ADGRG6: variants seen among roughly 807,000 people sequenced by gnomAD.
ADGRG6 encodes adhesion G protein-coupled receptor G6, also known as G-protein coupled receptor 126.
In ADGRG6, 84 loss-of-function variants were observed where a neutral mutation model predicts 142.4. That is an observed-to-expected ratio of 0.59 (90% confidence interval 0.49 to 0.71). The LOEUF (loss-of-function observed/expected upper bound fraction) is 0.71. Ranked by LOEUF, ADGRG6 falls within the 30% of genes least tolerant of loss-of-function variation. ADGRG6 has a pLI of 0.00. For missense variants in ADGRG6, 1,367 were observed against 1,466.6 expected (o/e 0.93, Z 1.11); for synonymous variants, 521 against 520.5 (o/e 1.00, Z -0.01).
At chr6:142,310,648 A>G (rs1268480901) in intron 2 of ADGRG6, among the ~76,000 whole-genome samples, 1 of 151,840 alleles carries the variant, frequency 6.6e-6, no homozygotes, top group African/African-American at 2.4e-5. Flanking sequence ...TTTTTTTCCA[A>G]GCCTCCAAGT....
At chr6:142,387,105 A>G (rs1178497166) in intron 6 of ADGRG6, among the ~76,000 whole-genome samples, 1 of 152,240 alleles carries the variant, frequency 6.6e-6, no homozygotes, top group East Asian at 1.9e-4. Context: ...CTTTAAAGCT[A>G]CTTTTCACAA....
chr6:142,392,806 C>G (rs1002198516), intron 7 of ADGRG6, 142 bp from the exon 8 acceptor site: 16 of 623,338 alleles, frequency 2.6e-5, no homozygotes, highest in Non-Finnish European at 4.7e-5. Context: ...TTACAATGAT[C>G]CATTAACTGT....
chr6:142,317,176 G>A (rs1431380425), intron 2 of ADGRG6, among the ~76,000 whole-genome samples: 1 of 152,058 alleles, frequency 6.6e-6, no homozygotes, highest in Non-Finnish European at 1.5e-5. Context: ...GTTTGGTTAG[G>A]ACTCTTATTA....
chr6:142,349,838 A>AT (rs890526051), intron 2 of ADGRG6, among the ~76,000 whole-genome samples: 9 of 152,010 alleles, frequency 5.9e-5, no homozygotes, highest in Non-Finnish European at 1.0e-4. Flanking sequence ...TAAAAAGCTC[A>AT]TTTTTTTTCA....
chr6:142,346,523 G>C (rs1240138445), intron 2 of ADGRG6, among the ~76,000 whole-genome samples: 1 of 151,112 alleles, frequency 6.6e-6, no homozygotes, highest in Non-Finnish European at 1.5e-5. Context: ...AAATTTTTCT[G>C]GGTATATACC....
chr6:142,357,715 G>GTT (rs947492970), intron 2 of ADGRG6, among the ~76,000 whole-genome samples: 3 of 152,190 alleles, frequency 2.0e-5, no homozygotes, highest in African/African-American at 7.2e-5. Context: ...GGGAAGGTAA[G>GTT]TTTGTAAACC....
intron 1 of ADGRG6, among the ~76,000 whole-genome samples, chr6:142,305,706 G>T (rs1244808665): frequency 6.6e-6 from 1 of 152,114 alleles, no homozygotes; most frequent in Non-Finnish European, 1.5e-5. Flanking sequence ...CAAGCTTTAT[G>T]TGTAGTCATT....
chr6:142,309,844 C>A (rs1777680589), intron 2 of ADGRG6, among the ~76,000 whole-genome samples, 200 bp downstream of exon 2: 1 of 148,744 alleles, frequency 6.7e-6, no homozygotes, highest in African/African-American at 2.5e-5. Flanking sequence ...TTTCTTTGAT[C>A]ATTGTTTTAT....
chr6:142,333,954 A>G (rs941888474), intron 2 of ADGRG6, among the ~76,000 whole-genome samples: 7 of 152,146 alleles, frequency 4.6e-5, no homozygotes, highest in South Asian at 2.1e-4. Flanking sequence ...TCTTAATTCA[A>G]ATATATTTTG....
In ADGRG6 at chr6:142,415,810, A is replaced by T. The variant is rs1776320894; in HGVS notation, c.2684A>T (p.Asp895Val). The change falls in exon 20 of 25, where the codon GAT becomes GTT. Residue 895 changes from aspartate (D) to valine (V), a missense_variant. Around this residue, in one of 3 missense-constraint regions of ADGRG6, gnomAD observed 286 missense variants for 371.4 expected, o/e 0.77. Transcript: ENST00000367609. ...TYVAFEKLRR[D>V]YPSKILMNLS... ...TCATTTTTTAGGAAATTGCGAAGGG[A>T]TTATCCCTCCAAAATCTTGATGAAC... is the stretch of plus-strand genomic sequence containing the variant. 1.9e-6 allele frequency: 3 copies of T among 1,611,404 alleles called. No individual in the cohort carries two copies. In the South Asian group the frequency reaches 3.3e-5, roughly 18 times the overall value.
intron 6 of ADGRG6, among the ~76,000 whole-genome samples, chr6:142,388,718 A>AATGGTCATATGGGTACTAG (rs1164134884): frequency 6.6e-6 from 1 of 152,062 alleles, no homozygotes; most frequent in African/African-American, 2.4e-5. Context: ...TGAAAAGTGA[A>AATGGTCATATGGGTACTAG]ATGGTCATAT....
chr6:142,348,421 A>G (rs1302640217), intron 2 of ADGRG6, among the ~76,000 whole-genome samples: 1 of 152,132 alleles, frequency 6.6e-6, no homozygotes, highest in Non-Finnish European at 1.5e-5. Flanking sequence ...GTATATTTAT[A>G]TTGGTAAAAA....
intron 4 of ADGRG6, 66 bp from the exon 5 acceptor site, chr6:142,381,885 T>G: frequency 1.0e-6 from 1 of 998,324 alleles, no homozygotes; most frequent in Non-Finnish European, 1.5e-6. Context: ...ATCAACCGTA[T>G]GATTTTTCTG....
At chr6:142,354,994 C>T (rs1191109078) in intron 2 of ADGRG6, among the ~76,000 whole-genome samples, 1 of 152,220 alleles carries the variant, frequency 6.6e-6, no homozygotes, top group Non-Finnish European at 1.5e-5. Context: ...ATTATCTTAG[C>T]GAATAACTTA....
chr6:142,436,628 C>T (rs1302246244), intron 22 of ADGRG6, among the ~76,000 whole-genome samples: 1 of 151,852 alleles, frequency 6.6e-6, no homozygotes, highest in Non-Finnish European at 1.5e-5. Context: ...TTTGTTTGTT[C>T]TTAAAAAAAG....
At chr6:142,406,106 T>G (rs1775791024) in intron 15 of ADGRG6, among the ~76,000 whole-genome samples, 1 of 152,138 alleles carries the variant, frequency 6.6e-6, no homozygotes, top group Admixed American at 6.5e-5. Context: ...GAAATGACCG[T>G]TTATTATTAC....
In ADGRG6 at chr6:142,382,353, C is replaced by T. The variant is rs1781810684; in HGVS notation, c.1138+334C>T. ...ACTTGCAAAAAGTCCAGTATAAATA[C>T]AGTGGTACAATACTTTGAAGAAGTA... is the stretch of plus-strand genomic sequence containing the variant. On this transcript the variant is annotated intron_variant, in intron 5 of 24. Transcript: ENST00000367609. 2.6e-5 allele frequency among the ~76,000 whole-genome samples: 4 copies of T among 152,098 alleles called. No individual in the cohort carries two copies. In the South Asian group the frequency reaches 8.3e-4, roughly 32 times the overall value.
At chr6:142,313,650 A>G (rs1777878650) in intron 2 of ADGRG6, among the ~76,000 whole-genome samples, 5 of 152,170 alleles carry the variant, frequency 3.3e-5, no homozygotes, top group Admixed American at 3.3e-4. Context: ...ATAGTTCTGG[A>G]AGGCAGGTGA....
chr6:142,319,683 A>G (rs1778422837), intron 2 of ADGRG6, among the ~76,000 whole-genome samples: 1 of 152,058 alleles, frequency 6.6e-6, no homozygotes, highest in Admixed American at 6.6e-5. Context: ...ATTTTTCCAT[A>G]AGACAGTTAT....
Sources: allele counts gnomAD v4.1 joint callset (sites outside exome capture counted in the v4.1 genomes callset), GRCh38; gene constraint gnomAD v4.1.1; regional missense constraint gnomAD v4.1.1; transcripts MANE v1.5; gene names NCBI Gene and HGNC (gene_info 2026-07-23, HGNC 2026-07-21).